The following DOCK3 variants were observed in gnomAD, a reference collection of about 807,000 sequenced individuals.
The protein encoded by DOCK3 is dedicator of cytokinesis protein 3.
Under a neutral mutation model 265.6 loss-of-function variants are expected in DOCK3, and 60 were observed. The observed-to-expected ratio is 0.23, with a 90% CI of 0.18 to 0.28. The LOEUF (loss-of-function observed/expected upper bound fraction) is 0.28. Ranked by LOEUF, DOCK3 falls within the 10% of genes least tolerant of loss-of-function variation. The pLI, the probability that DOCK3 is intolerant of heterozygous loss-of-function variation, is 1.00. For missense variants in DOCK3, 1,981 were observed against 2,594.3 expected, an observed-to-expected ratio of 0.76 and a Z score of 5.14; for synonymous variants, 881 against 938.0, an observed-to-expected ratio of 0.94 and a Z score of 1.11.
chr3:51,147,611 A>G (rs2085364658), intron 10 of DOCK3, among the ~76,000 whole-genome samples: 1 of 152,010 alleles, frequency 6.6e-6, no homozygotes, highest in Non-Finnish European at 1.5e-5. Flanking sequence ...TGTCCTTGTG[A>G]TAGTTTGCTT....
chr3:50,911,205 T>G (rs1332849224), intron 4 of DOCK3, among the ~76,000 whole-genome samples: 2 of 152,138 alleles, frequency 1.3e-5, no homozygotes. Context: ...TATTTTTCCT[T>G]TGAGGTCTCG....
At chr3:51,029,416 T>A (rs2079952780) in intron 5 of DOCK3, among the ~76,000 whole-genome samples, 1 of 151,872 alleles carries the variant, frequency 6.6e-6, no homozygotes, top group African/African-American at 2.4e-5. Flanking sequence ...TCAGTGGGGG[T>A]GGGGCTGCCA....
At chr3:50,750,185 G>T (rs1237383093) in intron 1 of DOCK3, among the ~76,000 whole-genome samples, 6 of 152,088 alleles carry the variant, frequency 3.9e-5, no homozygotes, top group African/African-American at 1.2e-4. Flanking sequence ...GATGATCTGA[G>T]GTAGGGCAAT....
chr3:51,098,494 A>G (rs1193469300), intron 9 of DOCK3, among the ~76,000 whole-genome samples: 2 of 152,232 alleles, frequency 1.3e-5, no homozygotes, highest in Non-Finnish European at 2.9e-5. Flanking sequence ...TACCCAAATG[A>G]GATAATCTGC....
chr3:51,271,032 C>A, intron 24 of DOCK3, 25 bp downstream of exon 24: 1 of 1,599,114 alleles, frequency 6.3e-7, no homozygotes, highest in African/African-American at 1.3e-5. Flanking sequence ...GATGAGAGTC[C>A]TCCTTCCTTC....
intron 9 of DOCK3, among the ~76,000 whole-genome samples, chr3:51,142,988 G>T (rs2085131192): frequency 6.6e-6 from 1 of 152,030 alleles, no homozygotes; most frequent in Admixed American, 6.6e-5. Context: ...CCGGGTTCAA[G>T]TGATTCTCCT....
intron 1 of DOCK3, among the ~76,000 whole-genome samples, chr3:50,714,415 G>T (rs1259798107): frequency 6.6e-6 from 1 of 152,094 alleles, no homozygotes; most frequent in Non-Finnish European, 1.5e-5. Context: ...TTAAAATGTG[G>T]CATATTCTCT....
chr3:51,060,052 T>G (rs1464228033), intron 5 of DOCK3, among the ~76,000 whole-genome samples: 3 of 152,160 alleles, frequency 2.0e-5, no homozygotes, highest in Non-Finnish European at 2.9e-5. Context: ...TTGTCTGTGC[T>G]CTTTCTCCAC....
At chr3:51,143,043 T>G (rs925363867) in intron 9 of DOCK3, among the ~76,000 whole-genome samples, 14 of 151,990 alleles carry the variant, frequency 9.2e-5, no homozygotes, top group Admixed American at 1.3e-4. Context: ...CAGGCCACCA[T>G]GCCCAGCTAA....
chr3:50,890,557 T>G (rs971198283), intron 4 of DOCK3, among the ~76,000 whole-genome samples: 2 of 152,012 alleles, frequency 1.3e-5, no homozygotes, highest in African/African-American at 4.8e-5. Flanking sequence ...AGACAAGAAA[T>G]AAATATATCA....
chr3:51,261,288 C>T (rs1014923529), intron 23 of DOCK3, among the ~76,000 whole-genome samples: 5 of 151,968 alleles, frequency 3.3e-5, no homozygotes, highest in Admixed American at 1.3e-4. Flanking sequence ...GGTGGGGCGT[C>T]GCCTCACCTT....
At chr3:50,997,179 C>T (rs2078315893) in intron 5 of DOCK3, among the ~76,000 whole-genome samples, 2 of 152,104 alleles carry the variant, frequency 1.3e-5, no homozygotes, top group Admixed American at 6.6e-5. Context: ...ACAGTGCACC[C>T]TATACGTACA....
rs533128253 is a variant in DOCK3 at position 51,139,234 on chromosome 3, A to G, written c.747-7315A>G. ...ATTTTGGTGTCTAGAATTCAGTCACATGGCTCCACTCAACTGCAGTGGGGG... is the reference window on the plus strand; with the variant it reads ...ATTTTGGTGTCTAGAATTCAGTCACGTGGCTCCACTCAACTGCAGTGGGGG... On this transcript the variant is annotated intron_variant, in intron 9 of 52. Coordinates refer to ENST00000266037, the MANE Select transcript of DOCK3 (RefSeq NM_004947.5). 6.1e-5 allele frequency among the ~76,000 whole-genome samples: 9 copies of G among 148,112 alleles called. 1 individual carries two copies. The South Asian group carries it at 1.5e-3, about 25-fold the overall frequency.
chr3:50,775,373 C>A (rs2041525293), intron 1 of DOCK3, among the ~76,000 whole-genome samples: 1 of 151,906 alleles, frequency 6.6e-6, no homozygotes, highest in Non-Finnish European at 1.5e-5. Context: ...ATTCGTCTCC[C>A]ATGGAAAATT....
chr3:50,726,584 C>A (rs2037843272), intron 1 of DOCK3, among the ~76,000 whole-genome samples: 1 of 152,096 alleles, frequency 6.6e-6, no homozygotes, highest in South Asian at 2.1e-4. Context: ...GGCCAGTCTG[C>A]AAAGACTAGG....
chr3:51,289,224 A>C (rs934902988), intron 27 of DOCK3, among the ~76,000 whole-genome samples: 2 of 152,154 alleles, frequency 1.3e-5, no homozygotes, highest in African/African-American at 4.8e-5. Flanking sequence ...TCTCACTTAT[A>C]AGTGGGAGCT....
At chr3:50,949,297 T>C (rs1444988573) in intron 5 of DOCK3, among the ~76,000 whole-genome samples, 2 of 152,164 alleles carry the variant, frequency 1.3e-5, no homozygotes, top group Non-Finnish European at 2.9e-5. Flanking sequence ...AACTCTTGAC[T>C]CTTAGAATTC....
At chr3:51,220,199 G>C (rs1482612545) in intron 14 of DOCK3, among the ~76,000 whole-genome samples, 1 of 152,064 alleles carries the variant, frequency 6.6e-6, no homozygotes, top group Non-Finnish European at 1.5e-5. Flanking sequence ...TATGCTGTTA[G>C]GAGACATCCT....
chr3:51,034,431 AT>A (rs1335881266), intron 5 of DOCK3, among the ~76,000 whole-genome samples: 2 of 152,080 alleles, frequency 1.3e-5, no homozygotes, highest in Non-Finnish European at 2.9e-5. Context: ...GGAATTATAC[AT>A]TCATAGCTTT....
Sources: gnomAD v4.1 joint callset for allele counts (sites outside exome capture counted in the v4.1 genomes callset) on GRCh38, gnomAD v4.1.1 for gene constraint, MANE v1.5 for transcripts, NCBI Gene and HGNC (gene_info 2026-07-23, HGNC 2026-07-21) for gene names.